ITGB4: variants seen among roughly 807,000 people sequenced by gnomAD.
ITGB4 encodes the protein integrin beta-4.
Under a neutral mutation model 207.6 loss-of-function variants are expected in ITGB4, and 159 were observed. The observed-to-expected ratio is 0.77, with a 90% confidence interval of 0.67 to 0.87. The LOEUF is 0.87. ITGB4 is among the 40% of genes least tolerant of loss of function. The pLI is 0.00. For synonymous variants in ITGB4, 1,020 were observed against 1,062.7 expected (o/e 0.96, Z 0.78); for missense variants, 2,278 against 2,546.8 (o/e 0.89, Z 2.27).
In ITGB4 at chr17:75,756,870, C is replaced by T; in HGVS notation, c.5053+11C>T. On this transcript the variant is annotated intron_variant, in intron 37 of 39. Coordinates refer to ENST00000200181, the MANE Select transcript of ITGB4 (RefSeq NM_000213.5). ...TGGCCCAAGGAGGAGGTGCTGCCCA[C>T]CCCGGGGGCAGGAGTGGCCAGGGGA... The T allele has an allele frequency of 6.2e-7, 1 of 1,612,286 alleles. No individual in the cohort carries two copies. The highest frequency in any genetic ancestry group is 8.5e-7 in the Non-Finnish European group (1 of 1,179,944).
chr17:75,742,804 G>T lies in ITGB4; in HGVS notation c.2962+43G>T. The T allele has an allele frequency of 6.4e-7, 1 of 1,560,474 alleles. No individual in the cohort carries two copies. Among genetic ancestry groups the T allele is most frequent in the East Asian group, 2.3e-5 (1 of 43,782 alleles). Reference sequence around the variant, plus strand: ...GAGTGGGGAAGGCAGACGGGGGCTCGGGGGCACTGGTTCCTCCTGCTTAAG... The same window carrying T: ...GAGTGGGGAAGGCAGACGGGGGCTCTGGGGCACTGGTTCCTCCTGCTTAAG... On this transcript the variant is annotated intron_variant, in intron 25 of 39. Transcript: ENST00000200181. The surrounding 1 kb of genome is among the most constrained non-coding windows in gnomAD (Gnocchi z 5.9).
intron 7 of ITGB4, 52 bp from the exon 8 acceptor site, chr17:75,730,189 C>G: frequency 1.2e-6 from 2 of 1,608,664 alleles, no homozygotes; most frequent in East Asian, 2.2e-5. Context: ...CGCCGTGATG[C>G]GTGTCAGCAG....
chr17:75,744,670 G>A (rs2061195192), intron 26 of ITGB4, among the ~76,000 whole-genome samples: 1 of 152,236 alleles, frequency 6.6e-6, no homozygotes, highest in Non-Finnish European at 1.5e-5. Context: ...TGCCATGGCT[G>A]GACCAGCATC....
Position 75,752,250 on chromosome 17 carries a change from G to T in ITGB4, c.3870G>T (p.Glu1290Asp). 1 of 1,613,676 alleles carries T rather than the reference G, an allele frequency of 6.2e-7. No homozygotes were observed. The highest frequency in any genetic ancestry group is 8.5e-7 in the Non-Finnish European group (1 of 1,180,038). Residue 1290 changes from glutamate to aspartate, a missense_variant, in exon 31 of 40, where the codon GAG (glutamate) becomes GAT (aspartate). By Grantham distance (45) the Glu-to-Asp change is conservative. Coordinates refer to ENST00000200181, the MANE Select transcript of ITGB4 (RefSeq NM_000213.5). ...TGCTGCTTATTGAGAACCTTCGGGA[G>T]TCCCAGCCCTACCGCTACACGGTGA... ...NRMLLIENLR[E>D]SQPYRYTVKA... is the part of the protein sequence containing the mutation.
rs756466772 is a variant in ITGB4 at position 75,742,682 on chromosome 17, G to C, written c.2883G>C (p.Leu961=). 1.2e-6 allele frequency: 2 copies of C among 1,613,976 alleles called. No individual in the cohort carries two copies. Among genetic ancestry groups the C allele is most frequent in the Non-Finnish European group, 1.7e-6 (2 of 1,180,042 alleles). The change falls in exon 25 of 40, where the codon CTG becomes CTC. Residue 961 remains leucine (L), a synonymous_variant. Coordinates refer to ENST00000200181, the MANE Select transcript of ITGB4 (RefSeq NM_000213.5). The surrounding 1 kb of genome is among the most constrained non-coding windows in gnomAD (Gnocchi z 5.9). ...RPEDDDEKQL[L]VEAIDVPAGT... is the part of the protein sequence containing the mutation. ...AGGATGACGACGAGAAGCAGCTGCT[G>C]GTGGAGGCCATCGACGTGCCCGCAG...
intron 26 of ITGB4, among the ~76,000 whole-genome samples, chr17:75,744,470 C>T (rs976294312): frequency 1.1e-4 from 16 of 152,104 alleles, no homozygotes; most frequent in African/African-American, 3.9e-4. Context: ...CAGACCATTC[C>T]TGTCCCCTCC....
At position 75,742,860 on chromosome 17, in the gene ITGB4, C is replaced by A; in HGVS notation, c.2962+99C>A. 1 of 1,146,434 alleles carries A rather than the reference C, an allele frequency of 8.7e-7. No individual in the cohort carries two copies. The highest frequency in any genetic ancestry group is 1.2e-6 in the Non-Finnish European group (1 of 806,552). The allele number at this position is 1,146,434 out of a possible 1,614,324, so 71.0% of individuals were successfully genotyped here. A position where few individuals can be genotyped will look rare whatever the true frequency, so the allele number is the denominator to read the frequency against. On this transcript the variant is annotated intron_variant, in intron 25 of 39. Transcript: ENST00000200181. This position sits in a 1 kb window ranked among gnomAD's most constrained non-coding sequence, Gnocchi z 5.9. ...TTGCGACCTGGCCACGTGGCCTGGG[C>A]TAGTCACTTAACCTCTGCAAGCCTT...
chr17:75,727,977 C>G lies in ITGB4; in HGVS notation c.469+122C>G, dbSNP rs2060759138. The G allele has an allele frequency of 1.1e-6, 1 of 878,474 alleles. No individual in the cohort carries two copies. The highest frequency in any genetic ancestry group is 1.7e-5 in the African/African-American group (1 of 59,666). The allele number at this position is 878,474 out of a possible 1,614,324, so 54.4% of individuals were successfully genotyped here. On this transcript the variant is annotated intron_variant, in intron 5 of 39. Coordinates refer to ENST00000200181, the MANE Select transcript of ITGB4 (RefSeq NM_000213.5). This position sits in a 1 kb window ranked among gnomAD's most constrained non-coding sequence, Gnocchi z 6.0. The stretch of plus-strand genomic sequence containing the variant: ...AAGGAAACACTGGACATTTGAGCCC[C>G]CAAAAACCTTCCCTTCCATTCTCAA...
At position 75,742,412 on chromosome 17, in the gene ITGB4, CAG is replaced by C; in HGVS notation, c.2709_2710del (p.Lys904AlafsTer49). On this transcript the variant is annotated frameshift_variant, in exon 24 of 40. Transcript: ENST00000200181. LOFTEE classifies it high-confidence loss of function. This position sits in a 1 kb window ranked among gnomAD's most constrained non-coding sequence, Gnocchi z 5.9. Reference sequence around the variant, plus strand: ...GCCAAGCCGGCCCTGCTGAAGCTTACAGAGAAGCAGGTGGAACAGAGGGCCTT... The same window carrying C: ...GCCAAGCCGGCCCTGCTGAAGCTTACAGAAGCAGGTGGAACAGAGGGCCTT... The C allele has an allele frequency of 6.2e-7, 1 of 1,613,312 alleles. No homozygotes were observed. The highest frequency in any genetic ancestry group is 8.5e-7 in the Non-Finnish European group (1 of 1,179,924).
intron 39 of ITGB4, 38 bp downstream of exon 39, chr17:75,757,348 G>A: frequency 6.2e-7 from 1 of 1,612,714 alleles, no homozygotes; most frequent in Non-Finnish European, 8.5e-7. Flanking sequence ...GCTCTCCTGG[G>A]ACAGGGAGCT....
intron 26 of ITGB4, among the ~76,000 whole-genome samples, chr17:75,745,747 C>T (rs2061218939): frequency 6.6e-6 from 1 of 152,012 alleles, no homozygotes; most frequent in Non-Finnish European, 1.5e-5. Context: ...GGCATGGTGA[C>T]ACGTGCCTCT....
In ITGB4 at chr17:75,722,437, G is replaced by C. The variant is rs2060633193; in HGVS notation, c.-11+825G>C. Among the ~76,000 whole-genome samples the C allele has an allele frequency of 6.6e-6, 1 of 152,200 alleles. No individual in the cohort carries two copies. Among genetic ancestry groups the C allele is most frequent in the African/African-American group, 2.4e-5 (1 of 41,448 alleles). ...ACCAGGCACAGGTGGCATGGTTGTT[G>C]CTGTCCGAAACAGAGCTGGCAGTGA... On this transcript the variant is annotated intron_variant, in intron 1 of 39. Transcript: ENST00000200181. This position sits in a 1 kb window ranked among gnomAD's most constrained non-coding sequence, Gnocchi z 6.2.
At chr17:75,747,991 G>T (rs931780361) in intron 26 of ITGB4, among the ~76,000 whole-genome samples, 2 of 152,128 alleles carry the variant, frequency 1.3e-5, no homozygotes, top group African/African-American at 4.8e-5. Flanking sequence ...TTGCCCTGAA[G>T]TGCCACCTAG....
chr17:75,737,253 A>G, intron 16 of ITGB4, 69 bp from the exon 17 acceptor site: 1 of 1,549,354 alleles, frequency 6.5e-7, no homozygotes, highest in Non-Finnish European at 8.7e-7. Flanking sequence ...GGGCCCCCTC[A>G]CCAGACCCTG....
chr17:75,757,124 T>C lies in ITGB4; in HGVS notation c.5218+17T>C. 6.2e-7 allele frequency: 1 copy of C among 1,612,584 alleles called. No individual in the cohort carries two copies. Among genetic ancestry groups the C allele is most frequent in the Non-Finnish European group, 8.5e-7 (1 of 1,179,876 alleles). ...AGGATGGAGGTAGGCACCTGTCCTT[T>C]CCTTCACCCCCACCCCTCCTCGGGC... On this transcript the variant is annotated intron_variant, in intron 38 of 39. Transcript: ENST00000200181.
At position 75,750,906 on chromosome 17, in the gene ITGB4, T is replaced by C; in HGVS notation, c.3655+46T>C. The C allele has an allele frequency of 6.2e-7, 1 of 1,612,828 alleles. No homozygotes were observed. Among genetic ancestry groups the C allele is most frequent in the Non-Finnish European group, 8.5e-7 (1 of 1,179,440 alleles). ...TCCATTTGTCCCCTGGCTGCCCTGATGCCAGCATGCCCAGACCTCCCTCCC... is the reference window on the plus strand; with the variant it reads ...TCCATTTGTCCCCTGGCTGCCCTGACGCCAGCATGCCCAGACCTCCCTCCC... On this transcript the variant is annotated intron_variant, in intron 29 of 39. Coordinates refer to ENST00000200181, the MANE Select transcript of ITGB4 (RefSeq NM_000213.5). This position sits in a 1 kb window ranked among gnomAD's most constrained non-coding sequence, Gnocchi z 5.5.
intron 26 of ITGB4, among the ~76,000 whole-genome samples, chr17:75,745,469 C>T (rs1450960037): frequency 1.3e-5 from 2 of 152,064 alleles, no homozygotes; most frequent in Non-Finnish European, 2.9e-5. Flanking sequence ...TGCAGTAGCT[C>T]ATGCATGTAA....
chr17:75,740,323 C>T lies in ITGB4; in HGVS notation c.2447-35C>T. On this transcript the variant is annotated intron_variant, in intron 20 of 39. Coordinates refer to ENST00000200181, the MANE Select transcript of ITGB4 (RefSeq NM_000213.5). The surrounding 1 kb of genome is among the most constrained non-coding windows in gnomAD (Gnocchi z 5.9). ...TGCCTGTCATGCAGGGGGCTGACCA[C>T]CTCCATCTCACCCCCTCCCACCGCC... The T allele has an allele frequency of 6.5e-7, 1 of 1,547,990 alleles. No individual in the cohort carries two copies. Among genetic ancestry groups the T allele is most frequent in the Non-Finnish European group, 8.9e-7 (1 of 1,125,810 alleles).
Position 75,750,862 on chromosome 17 carries a change from T to G in ITGB4, c.3655+2T>G. ...TGTCCTGCCGCACCCACCAGGAAGGTGAGGCCTCGCCATGTCTGTCCATTT... is the reference window on the plus strand; with the variant it reads ...TGTCCTGCCGCACCCACCAGGAAGGGGAGGCCTCGCCATGTCTGTCCATTT... On this transcript the variant is annotated splice_donor_variant, in intron 29 of 39. Coordinates refer to ENST00000200181, the MANE Select transcript of ITGB4 (RefSeq NM_000213.5). LOFTEE classifies it high-confidence loss of function. The surrounding 1 kb of genome is among the most constrained non-coding windows in gnomAD (Gnocchi z 5.5). 1.2e-6 allele frequency: 2 copies of G among 1,613,310 alleles called. No homozygotes were observed. The highest frequency in any genetic ancestry group is 1.7e-6 in the Non-Finnish European group (2 of 1,179,996).
Sources: allele counts gnomAD v4.1 joint callset (sites outside exome capture counted in the v4.1 genomes callset), GRCh38; gene constraint gnomAD v4.1.1; non-coding constraint Gnocchi (gnomAD v3.1); transcripts MANE v1.5; gene names NCBI Gene and HGNC (gene_info 2026-07-23, HGNC 2026-07-21).